RGS18: variants seen among roughly 807,000 people sequenced by gnomAD.
RGS18 encodes regulator of G protein signaling 18, also known as regulator of G-protein signaling 18.
A neutral mutation model predicts 27.6 loss-of-function variants in RGS18; 22 were observed. The observed-to-expected ratio is 0.80, with a 90% CI of 0.57 to 1.14. The LOEUF (loss-of-function observed/expected upper bound fraction) is 1.14. RGS18 is among the 50% of genes most tolerant of loss of function. The pLI is 0.00. For synonymous variants in RGS18, 89 were observed against 84.6 expected, an observed-to-expected ratio of 1.05 and a Z score of -0.29; for missense variants, 299 against 269.6, an observed-to-expected ratio of 1.11 and a Z score of -0.76.
At chr1:192,164,204 A>G (rs61822860) in intron 3 of RGS18, among the ~76,000 whole-genome samples, 9,472 of 152,224 alleles carry the variant, frequency 0.062, 382 homozygotes, top group Middle Eastern at 0.13. Flanking sequence ...ATTTTAGGGG[A>G]TTAATCAAAA....
intron 3 of RGS18, among the ~76,000 whole-genome samples, chr1:192,171,548 G>A (rs1312527722): frequency 6.6e-6 from 1 of 151,998 alleles, no homozygotes; most frequent in Non-Finnish European, 1.5e-5. Context: ...AAAAGAAATG[G>A]CAGGATCTCC....
intron 3 of RGS18, among the ~76,000 whole-genome samples, chr1:192,179,962 A>C (rs1378145617): frequency 6.6e-6 from 1 of 151,668 alleles, no homozygotes; most frequent in African/African-American, 2.4e-5. Context: ...CTGGATAAAG[A>C]GTACACGGGG....
intron 3 of RGS18, among the ~76,000 whole-genome samples, chr1:192,162,801 G>T (rs1196837276): frequency 6.6e-6 from 1 of 151,994 alleles, no homozygotes; most frequent in East Asian, 1.9e-4. Flanking sequence ...TTTTGGTACT[G>T]CACTGCCCTT....
intron 4 of RGS18, among the ~76,000 whole-genome samples, 166 bp from the exon 5 acceptor site, chr1:192,184,131 G>C (rs1329291123): frequency 6.6e-6 from 1 of 151,500 alleles, no homozygotes; most frequent in Non-Finnish European, 1.5e-5. Flanking sequence ...TCCAATGCTG[G>C]GGATTACAAT....
At chr1:192,183,826 A>C (rs1200710138) in intron 4 of RGS18, among the ~76,000 whole-genome samples, 1 of 151,670 alleles carries the variant, frequency 6.6e-6, no homozygotes, top group Non-Finnish European at 1.5e-5. Flanking sequence ...TTTATAAGAA[A>C]ATAACTTCAA....
At position 192,184,935 on chromosome 1, in the gene RGS18, T is replaced by G. The variant is rs181331412; in HGVS notation, c.*381T>G. On this transcript the variant is annotated 3_prime_UTR_variant, in exon 5 of 5. Coordinates refer to ENST00000367460, the MANE Select transcript of RGS18 (RefSeq NM_130782.3). ...CCAAAGCAGCATAATATGTGTTATA[T>G]AAACATAATAATACTCAGATATCCA... 5.1e-6 allele frequency: 1 copy of G among 195,314 alleles called. No homozygotes were observed. Among genetic ancestry groups the G allele is most frequent in the African/African-American group, 2.4e-5 (1 of 41,950 alleles). 12.1% of individuals were successfully genotyped at this position (195,314 alleles called of 1,614,324 possible). A position where few individuals can be genotyped will look rare whatever the true frequency, so the allele number is the denominator to read the frequency against.
At chr1:192,170,735 G>A (rs1656241246) in intron 3 of RGS18, among the ~76,000 whole-genome samples, 1 of 151,504 alleles carries the variant, frequency 6.6e-6, no homozygotes, top group Admixed American at 6.6e-5. Flanking sequence ...TTACATAATG[G>A]AAAAGAAATA....
intron 1 of RGS18, 144 bp from the exon 2 acceptor site, chr1:192,159,076 A>G: frequency 1.7e-6 from 1 of 602,198 alleles, no homozygotes; most frequent in South Asian, 2.3e-5. Flanking sequence ...ATTCCTCCAC[A>G]AATACAATAT....
rs540978899 is a variant in RGS18 at position 192,169,344 on chromosome 1, TC to T, written c.283+8906del. On this transcript the variant is annotated intron_variant, in intron 3 of 4. Transcript: ENST00000367460. ...ATTAAAATCGAAAACGTTTATGCTT[TC>T]ACTGGGTCAGTGCTACTTTATTTAT... The T allele has an allele frequency of 1.3e-4, 20 of 152,318 alleles. No individual in the cohort carries two copies. In the East Asian group the frequency reaches 3.7e-3, roughly 28 times the overall value. The allele number at this position is 152,318 out of a possible 1,614,324, so 9.4% of individuals were successfully genotyped here. A position where few individuals can be genotyped will look rare whatever the true frequency, so the allele number is the denominator to read the frequency against.
Position 192,184,277 on chromosome 1 carries a change from C to CT in RGS18, c.451-13dup, listed in dbSNP as rs750723344. On this transcript the variant is annotated intron_variant, in intron 4 of 4. Transcript: ENST00000367460. ...TATAAGCATATTAACTATAATCACA[C>CT]TTTTTTTCTGTTTATCCAGGTTAAC... 3 of 1,598,406 alleles carry CT rather than the reference C, an allele frequency of 1.9e-6. No homozygotes were observed. The highest frequency in any genetic ancestry group is 1.1e-5 in the South Asian group (1 of 90,384).
intron 4 of RGS18, among the ~76,000 whole-genome samples, chr1:192,182,907 G>T (rs1403012684): frequency 6.6e-6 from 1 of 151,374 alleles, no homozygotes; most frequent in African/African-American, 2.4e-5. Context: ...TTAAAGACAG[G>T]TTAAAAGAAA....
At chr1:192,162,049 T>TA (rs1342926575) in intron 3 of RGS18, among the ~76,000 whole-genome samples, 2 of 152,228 alleles carry the variant, frequency 1.3e-5, no homozygotes, top group African/African-American at 2.4e-5. Flanking sequence ...AATCAAGGCT[T>TA]AAACTTAGTT....
chr1:192,160,437 G>A lies in RGS18; in HGVS notation c.281G>A (p.Arg94Lys), dbSNP rs200627509. 4.4e-5 allele frequency: 70 copies of A among 1,605,636 alleles called. 1 individual carries two copies. Among genetic ancestry groups the A allele is most frequent in the South Asian group, 6.6e-5 (6 of 90,826 alleles). The change falls in exon 3 of 5, where the codon AGA (arginine) becomes AAA (lysine). Residue 94 changes from arginine to lysine, a missense_variant and splice_region_variant. Physicochemically the swap from Arg to Lys is conservative, Grantham distance 26. Coordinates refer to ENST00000367460, the MANE Select transcript of RGS18 (RefSeq NM_130782.3). ...TCATTTGACAAACTGCTTTCCCATAGAGGTTAGTGGTACTTTCACCAAATA... is the reference window on the plus strand; with the variant it reads ...TCATTTGACAAACTGCTTTCCCATAAAGGTTAGTGGTACTTTCACCAAATA... Reference protein sequence around the residue: ...GESFDKLLSHRDGLEAFTRFL... With the variant: ...GESFDKLLSHKDGLEAFTRFL...
intron 3 of RGS18, among the ~76,000 whole-genome samples, chr1:192,162,114 A>T (rs1656083780): frequency 6.6e-6 from 1 of 152,172 alleles, no homozygotes; most frequent in Non-Finnish European, 1.5e-5. Context: ...GTGCTGACAA[A>T]GTTTAACTTG....
At chr1:192,168,141 T>A (rs1376995093) in intron 3 of RGS18, 1 of 152,190 alleles carries the variant, frequency 6.6e-6, no homozygotes, top group Non-Finnish European at 1.5e-5. Context: ...GTTTAGTAAG[T>A]TACTGCCTCT....
intron 3 of RGS18, among the ~76,000 whole-genome samples, chr1:192,175,846 A>G (rs923591302): frequency 6.6e-6 from 1 of 151,914 alleles, no homozygotes; most frequent in Non-Finnish European, 1.5e-5. Flanking sequence ...CAAATCCACT[A>G]TGATAGAACA....
At chr1:192,168,410 G>A (rs758025883) in intron 3 of RGS18, 1 of 152,060 alleles carries the variant, frequency 6.6e-6, no homozygotes, top group Middle Eastern at 3.4e-3. Context: ...TGCATCATGA[G>A]CACTCAGAAC....
intron 3 of RGS18, 98 bp downstream of exon 3, chr1:192,160,537 C>A: frequency 3.8e-6 from 3 of 790,844 alleles, no homozygotes; most frequent in South Asian, 1.8e-5. Flanking sequence ...AAATTTTTGT[C>A]TGATTGTTAA....
intron 4 of RGS18, among the ~76,000 whole-genome samples, chr1:192,182,119 T>G (rs1656467015): frequency 6.6e-6 from 1 of 151,692 alleles, no homozygotes; most frequent in Non-Finnish European, 1.5e-5. Context: ...TGAGTCCATC[T>G]CTTGGATACT....
Sources: gnomAD v4.1 joint callset for allele counts (sites outside exome capture counted in the v4.1 genomes callset) on GRCh38, gnomAD v4.1.1 for gene constraint, MANE v1.5 for transcripts, NCBI Gene and HGNC (gene_info 2026-07-23, HGNC 2026-07-21) for gene names.